CENPP: variants seen among roughly 807,000 people sequenced by gnomAD.
The protein encoded by CENPP is centromere protein P.
CENPP carries 24 observed loss-of-function variants against 35.6 expected under a neutral mutation model. The observed-to-expected ratio is 0.67, with a 90% confidence interval of 0.49 to 0.95. The LOEUF (loss-of-function observed/expected upper bound fraction) is 0.95. CENPP is among the 40% of genes least tolerant of loss of function. CENPP has a pLI of 0.00. For missense variants in CENPP, 332 were observed against 345.3 expected, an observed-to-expected ratio of 0.96 and a Z score of 0.31; for synonymous variants, 120 against 125.5, an observed-to-expected ratio of 0.96 and a Z score of 0.29.
At chr9:92,612,965 G>C in intron 7 of CENPP, 54 bp from the exon 8 acceptor site, 1 of 1,609,946 alleles carries the variant, frequency 6.2e-7, no homozygotes, top group Admixed American at 1.7e-5. Context: ...GAAAACAAAA[G>C]ACCAAAAGCT....
chr9:92,450,151 A>G (rs951288616), intron 5 of CENPP, among the ~76,000 whole-genome samples: 1 of 151,700 alleles, frequency 6.6e-6, no homozygotes, highest in Non-Finnish European at 1.5e-5. Context: ...ATGTGCAGGT[A>G]AGTTACATAT....
At position 92,521,305 on chromosome 9, in the gene CENPP, G is replaced by C. The variant is rs562846358; in HGVS notation, c.565-90009G>C. 1.9e-3 allele frequency among the ~76,000 whole-genome samples: 287 copies of C among 151,966 alleles called. 1 individual carries two copies. The highest frequency in any genetic ancestry group is 2.8e-3 in the Non-Finnish European group (190 of 67,980). ...AGCCTTTTTGTTTTCCATTATTATA[G>C]CTTAGCCATCTTTCCACTTAACTAA... On this transcript the variant is annotated intron_variant, in intron 5 of 7. Transcript: ENST00000375587.
chr9:92,376,223 C>T (rs1426043721), intron 4 of CENPP, among the ~76,000 whole-genome samples: 1 of 152,240 alleles, frequency 6.6e-6, no homozygotes, highest in Non-Finnish European at 1.5e-5. Context: ...CCCAAAGATT[C>T]TCATTCCCTA....
intron 4 of CENPP, among the ~76,000 whole-genome samples, chr9:92,353,065 C>T (rs752440161): frequency 1.4e-4 from 21 of 152,208 alleles, no homozygotes; most frequent in Non-Finnish European, 2.6e-4. Context: ...CAATCCCCAA[C>T]CCAAATACTA....
intron 5 of CENPP, among the ~76,000 whole-genome samples, chr9:92,411,840 A>G (rs879546154): frequency 2.0e-5 from 3 of 152,138 alleles, no homozygotes; most frequent in East Asian, 1.9e-4. Context: ...CCACACATTA[A>G]CTTTTTCCTG....
intron 5 of CENPP, chr9:92,517,574 AGT>A: frequency 7.1e-7 from 1 of 1,400,138 alleles, no homozygotes; most frequent in South Asian, 1.3e-5. Flanking sequence ...CAATATTTTA[AGT>A]ACTCAGATCT....
At chr9:92,514,490 G>T in intron 5 of CENPP, 3 of 1,135,636 alleles carry the variant, frequency 2.6e-6, no homozygotes, top group African/African-American at 1.6e-5. Context: ...GTCCAGGCTG[G>T]TCTCAAACCC....
intron 5 of CENPP, chr9:92,459,657 C>A (rs1361151541): frequency 5.0e-6 from 8 of 1,613,004 alleles, no homozygotes; most frequent in Non-Finnish European, 6.8e-6. Context: ...CTCTGGTAAT[C>A]CTGAAGGGAT....
At chr9:92,373,146 T>C (rs1252035521) in intron 4 of CENPP, among the ~76,000 whole-genome samples, 1 of 152,110 alleles carries the variant, frequency 6.6e-6, no homozygotes, top group Admixed American at 6.5e-5. Flanking sequence ...AATTTGGCCA[T>C]GCACAGTAGC....
chr9:92,496,157 G>A, intron 5 of CENPP: 1 of 1,336,176 alleles, frequency 7.5e-7, no homozygotes, highest in African/African-American at 1.5e-5. Context: ...TACCTTTTAG[G>A]TATATTTTGG....
chr9:92,434,975 C>T (rs944874417), intron 5 of CENPP, among the ~76,000 whole-genome samples: 1 of 152,132 alleles, frequency 6.6e-6, no homozygotes, highest in Non-Finnish European at 1.5e-5. Context: ...TTGCTTGAAC[C>T]TGGGAGGTGG....
At chr9:92,480,479 G>A (rs1158764624) in intron 5 of CENPP, among the ~76,000 whole-genome samples, 1 of 152,206 alleles carries the variant, frequency 6.6e-6, no homozygotes, top group Non-Finnish European at 1.5e-5. Context: ...GTTACTTCCA[G>A]ACAGTAAACA....
chr9:92,495,276 G>A (rs1846292254), intron 5 of CENPP: 1 of 773,212 alleles, frequency 1.3e-6, no homozygotes, highest in Non-Finnish European at 1.6e-6. Flanking sequence ...TTCTATATGT[G>A]TCTTATAAAT....
Position 92,614,149 on chromosome 9 carries a change from G to A in CENPP, c.*1000G>A, listed in dbSNP as rs1851358424. The A allele has an allele frequency of 6.6e-6, 1 of 152,356 alleles. No individual in the cohort carries two copies. The highest frequency in any genetic ancestry group is 1.5e-5 in the Non-Finnish European group (1 of 68,158). 9.4% of individuals were successfully genotyped at this position (152,356 alleles called of 1,614,324 possible). A position where few individuals can be genotyped will look rare whatever the true frequency, so the allele number is the denominator to read the frequency against. On this transcript the variant is annotated 3_prime_UTR_variant, in exon 8 of 8. Coordinates refer to ENST00000375587, the MANE Select transcript of CENPP (RefSeq NM_001012267.3). Reference sequence around the variant, plus strand: ...CCTGTGCTAGGCAATAACTCTTGCAGCCCTGAAGGACCTAGGGAGCCCAGC... The same window carrying A: ...CCTGTGCTAGGCAATAACTCTTGCAACCCTGAAGGACCTAGGGAGCCCAGC...
chr9:92,381,181 A>G (rs1216879443), intron 5 of CENPP, among the ~76,000 whole-genome samples: 3 of 152,088 alleles, frequency 2.0e-5, no homozygotes, highest in Non-Finnish European at 4.4e-5. Context: ...TTCTGTTTCT[A>G]TGAATTTGAC....
At chr9:92,572,939 A>T (rs1850181229) in intron 5 of CENPP, among the ~76,000 whole-genome samples, 1 of 152,224 alleles carries the variant, frequency 6.6e-6, no homozygotes, top group Middle Eastern at 3.4e-3. Context: ...TTTCAGCTCC[A>T]TCAGGTCATT....
chr9:92,402,970 G>C (rs1428584682), intron 5 of CENPP, among the ~76,000 whole-genome samples: 1 of 152,100 alleles, frequency 6.6e-6, no homozygotes, highest in African/African-American at 2.4e-5. Flanking sequence ...ACTGGTGAGG[G>C]ATCATCTTAA....
At chr9:92,369,146 G>A (rs1161111251) in intron 4 of CENPP, among the ~76,000 whole-genome samples, 4 of 152,212 alleles carry the variant, frequency 2.6e-5, no homozygotes, top group Non-Finnish European at 1.5e-5. Flanking sequence ...CATTAAAAAT[G>A]TAGTTACAGT....
chr9:92,486,827 G>A (rs1048152412), intron 5 of CENPP, among the ~76,000 whole-genome samples: 4 of 150,058 alleles, frequency 2.7e-5, no homozygotes, highest in African/African-American at 9.9e-5. Context: ...TGTCACCCAG[G>A]CTGGAGGGCA....
Sources: gnomAD v4.1 joint callset for allele counts (sites outside exome capture counted in the v4.1 genomes callset) on GRCh38, gnomAD v4.1.1 for gene constraint, MANE v1.5 for transcripts, NCBI Gene and HGNC (gene_info 2026-07-23, HGNC 2026-07-21) for gene names.